The following PDE4D variants were observed in gnomAD, a reference collection of about 807,000 sequenced individuals.
The protein encoded by PDE4D is 3',5'-cyclic-AMP phosphodiesterase 4D.
In PDE4D, 24 loss-of-function variants were observed where a neutral mutation model predicts 87.4. That is an observed-to-expected ratio of 0.27 (90% confidence interval 0.20 to 0.39). The LOEUF is 0.39. Ranked by LOEUF, PDE4D falls within the 10% of genes least tolerant of loss-of-function variation. PDE4D has a pLI of 1.00. For synonymous variants in PDE4D, 384 were observed against 383.2 expected (o/e 1.00, Z -0.02); for missense variants, 714 against 1,041.0 (o/e 0.69, Z 4.32).
chr5:60,136,836 G>A (rs995483065), intron 2 of PDE4D, among the ~76,000 whole-genome samples: 2 of 152,060 alleles, frequency 1.3e-5, no homozygotes, highest in Non-Finnish European at 1.5e-5. Context: ...ATGGGTACAT[G>A]TGCGGGATGT....
chr5:59,688,324 G>A (rs1410077589), intron 1 of PDE4D, among the ~76,000 whole-genome samples: 1 of 152,128 alleles, frequency 6.6e-6, no homozygotes, highest in East Asian at 1.9e-4. Context: ...TGGAAGTAAA[G>A]CACTCCTCAG....
At chr5:59,045,387 C>G (rs1401096682) in intron 5 of PDE4D, among the ~76,000 whole-genome samples, 1 of 151,988 alleles carries the variant, frequency 6.6e-6, no homozygotes, top group Non-Finnish European at 1.5e-5. Context: ...AACCCTGTCT[C>G]TACTAAAAAT....
chr5:59,267,403 T>A (rs1763024264), intron 1 of PDE4D, among the ~76,000 whole-genome samples: 2 of 152,084 alleles, frequency 1.3e-5, no homozygotes, highest in Admixed American at 1.3e-4. Context: ...CAATTTCTCA[T>A]CTTTGATGTA....
chr5:60,444,803 C>T (rs1358294489), intron 1 of PDE4D, among the ~76,000 whole-genome samples: 1 of 151,428 alleles, frequency 6.6e-6, no homozygotes, highest in Non-Finnish European at 1.5e-5. Flanking sequence ...GGACCTGCTA[C>T]TGACAAGCCG....
chr5:59,106,347 C>T (rs746124198), intron 5 of PDE4D, among the ~76,000 whole-genome samples: 2 of 152,202 alleles, frequency 1.3e-5, no homozygotes, highest in African/African-American at 4.8e-5. Flanking sequence ...ATGTGTTTGA[C>T]TGATGATGTT....
At chr5:60,457,676 C>G (rs1182850126) in intron 1 of PDE4D, among the ~76,000 whole-genome samples, 1 of 152,162 alleles carries the variant, frequency 6.6e-6, no homozygotes, top group East Asian at 1.9e-4. Flanking sequence ...TCCTAGAATC[C>G]TAGACTCAGA....
At chr5:60,445,499 T>C (rs565583336) in intron 1 of PDE4D, among the ~76,000 whole-genome samples, 1 of 152,238 alleles carries the variant, frequency 6.6e-6, no homozygotes, top group Non-Finnish European at 1.5e-5. Context: ...GATTAAGATT[T>C]GCATGTAAAA....
chr5:59,691,955 T>C (rs1751022703), intron 1 of PDE4D, among the ~76,000 whole-genome samples: 1 of 152,064 alleles, frequency 6.6e-6, no homozygotes. Flanking sequence ...GAGGGGTAAG[T>C]TTAGAAACAA....
chr5:59,860,103 G>A (rs919151781), intron 1 of PDE4D, among the ~76,000 whole-genome samples: 6 of 152,150 alleles, frequency 3.9e-5, no homozygotes, highest in Admixed American at 1.3e-4. Context: ...AGGACCCGTC[G>A]AGTAAGGTGA....
intron 1 of PDE4D, chr5:59,768,105 G>T: frequency 9.4e-7 from 1 of 1,066,434 alleles, no homozygotes; most frequent in Non-Finnish European, 1.4e-6. Flanking sequence ...GGGATTTATG[G>T]TTAAGGGAGA....
At chr5:59,568,292 T>C (rs1821278697) in intron 1 of PDE4D, among the ~76,000 whole-genome samples, 1 of 152,142 alleles carries the variant, frequency 6.6e-6, no homozygotes. Flanking sequence ...TAGTGGATTA[T>C]AACCTAAGCA....
intron 1 of PDE4D, among the ~76,000 whole-genome samples, chr5:59,224,123 A>C (rs1279172288): frequency 9.6e-6 from 1 of 104,068 alleles, no homozygotes; most frequent in South Asian, 2.7e-4. Flanking sequence ...CTGTTTCTAC[A>C]AAAAAAAAAA....
At chr5:59,723,219 G>A (rs950085998) in intron 1 of PDE4D, among the ~76,000 whole-genome samples, 6 of 152,090 alleles carry the variant, frequency 3.9e-5, no homozygotes, top group Admixed American at 6.6e-5. Flanking sequence ...TATACAAGGC[G>A]TTTCCTAGGA....
intron 2 of PDE4D, among the ~76,000 whole-genome samples, chr5:59,211,448 T>C (rs1750058478): frequency 6.6e-6 from 1 of 152,206 alleles, no homozygotes; most frequent in South Asian, 2.1e-4. Context: ...TTAATCAAAT[T>C]TTGATACTGC....
chr5:59,828,894 C>T (rs1301621252), intron 1 of PDE4D, among the ~76,000 whole-genome samples: 2 of 152,062 alleles, frequency 1.3e-5, no homozygotes, highest in African/African-American at 4.8e-5. Flanking sequence ...AGTTCTGATT[C>T]ATTCATGGCG....
At chr5:60,490,680 A>T (rs529877415), upstream of PDE4D, 1 of 152,310 alleles carries the variant, frequency 6.6e-6, no homozygotes, top group African/African-American at 2.4e-5. Context: ...AGGGTCACCC[A>T]AATAGCTGAG....
intron 1 of PDE4D, among the ~76,000 whole-genome samples, chr5:59,410,850 A>T (rs542102781): frequency 6.6e-6 from 1 of 152,188 alleles, no homozygotes; most frequent in African/African-American, 2.4e-5. Context: ...TAGAAAAACA[A>T]TTTTTCTATC....
chr5:60,276,485 T>G (rs1286454399), intron 1 of PDE4D, among the ~76,000 whole-genome samples: 1 of 152,126 alleles, frequency 6.6e-6, no homozygotes, highest in Non-Finnish European at 1.5e-5. Flanking sequence ...CCTACTCTTG[T>G]AAGTAGCAGA....
chr5:60,254,523 G>A (rs901525888), intron 1 of PDE4D, among the ~76,000 whole-genome samples: 1 of 151,852 alleles, frequency 6.6e-6, no homozygotes, highest in Non-Finnish European at 1.5e-5. Flanking sequence ...TTCTGCTAAA[G>A]CAAAGCCAAC....
Sources: allele counts gnomAD v4.1 joint callset (sites outside exome capture counted in the v4.1 genomes callset), GRCh38; gene constraint gnomAD v4.1.1; transcripts MANE v1.5; gene names NCBI Gene and HGNC (gene_info 2026-07-23, HGNC 2026-07-21).